The following CAB39L variants were observed in gnomAD, a reference collection of about 807,000 sequenced individuals.
The protein encoded by CAB39L is calcium binding protein 39 like.
CAB39L carries 23 observed loss-of-function variants against 39.1 expected under a neutral mutation model. That is an observed-to-expected ratio of 0.59 (90% CI 0.42 to 0.83). CAB39L has a LOEUF of 0.83. Ranked by LOEUF, CAB39L falls within the 40% of genes least tolerant of loss-of-function variation. The probability of loss-of-function intolerance (pLI) is 0.00; values close to 1 mark genes in which losing one functional copy is unlikely to be tolerated. For missense variants in CAB39L, 366 were observed against 391.9 expected (o/e 0.93, Z 0.56); for synonymous variants, 126 against 137.2 (o/e 0.92, Z 0.57).
chr13:49,364,714 T>C (rs1374446813), intron 5 of CAB39L, among the ~76,000 whole-genome samples: 1 of 151,772 alleles, frequency 6.6e-6, no homozygotes, highest in Non-Finnish European at 1.5e-5. Context: ...TAAAATTAAA[T>C]ACCTAGAAAT....
intron 5 of CAB39L, among the ~76,000 whole-genome samples, chr13:49,366,025 A>G (rs1955761368): frequency 6.6e-6 from 1 of 152,234 alleles, no homozygotes; most frequent in Non-Finnish European, 1.5e-5. Context: ...ACTGGAGGCC[A>G]TTATGTTAAG....
rs1348213915 is a variant in CAB39L at position 49,325,721 on chromosome 13, G to A, written c.834+6226C>T. Among the ~76,000 whole-genome samples the A allele has an allele frequency of 5.3e-5, 8 of 152,122 alleles. No homozygotes were observed. In the East Asian group the frequency reaches 1.5e-3, roughly 29 times the overall value. On this transcript the variant is annotated intron_variant, in intron 10 of 10. Coordinates refer to ENST00000409308, the MANE Select transcript of CAB39L (RefSeq NM_001079670.3). The stretch of plus-strand genomic sequence containing the variant: ...GGAGAATCACTTGAACCTGGGAGGT[G>A]GAGGGTGCGGTGAGCCGAGATCATG...
chr13:49,324,587 G>A (rs1954445578), intron 10 of CAB39L, among the ~76,000 whole-genome samples: 1 of 152,178 alleles, frequency 6.6e-6, no homozygotes, highest in Non-Finnish European at 1.5e-5. Context: ...GGGCTATGTA[G>A]AAGAAAGAAC....
intron 8 of CAB39L, among the ~76,000 whole-genome samples, chr13:49,343,188 G>A (rs943291324): frequency 1.3e-5 from 2 of 152,116 alleles, no homozygotes; most frequent in East Asian, 1.9e-4. Context: ...TAAAAGTATC[G>A]TTGCTTTTGG....
intron 6 of CAB39L, among the ~76,000 whole-genome samples, chr13:49,358,559 A>C (rs1955544680): frequency 6.6e-6 from 1 of 152,190 alleles, no homozygotes; most frequent in African/African-American, 2.4e-5. Context: ...ACTGAAAAAT[A>C]GAGAAGAAAG....
At position 49,442,787 on chromosome 13, in the gene CAB39L, CAAAAAAAAAAAAAAAAAA is replaced by C. The variant is rs71078844; in HGVS notation, c.-246+1181_-246+1198del. On this transcript the variant is annotated intron_variant, in intron 1 of 10. Transcript: ENST00000409308. ...GCATAGGCGACAAGAGACTCCATCT[CAAAAAAAAAAAAAAAAAA>C]AAAAAAAAAAAAAACATCAATTATT... Among the ~76,000 whole-genome samples, 25 of 103,690 alleles carry C rather than the reference CAAAAAAAAAAAAAAAAAA, an allele frequency of 2.4e-4. 1 individual carries two copies. The highest frequency in any genetic ancestry group is 1.1e-3 in the African/African-American group (21 of 19,400). 68.0% of individuals were successfully genotyped at this position (103,690 alleles called of 152,430 possible). A position where few individuals can be genotyped will look rare whatever the true frequency, so the allele number is the denominator to read the frequency against.
intron 4 of CAB39L, among the ~76,000 whole-genome samples, chr13:49,381,026 C>G (rs1956243288): frequency 6.6e-6 from 1 of 152,240 alleles, no homozygotes; most frequent in African/African-American, 2.4e-5. Flanking sequence ...CTCCTGCGTT[C>G]AAGCGATTCT....
intron 3 of CAB39L, among the ~76,000 whole-genome samples, chr13:49,411,758 T>C (rs11619997): frequency 0.35 from 52,496 of 151,952 alleles, 9,438 homozygotes; most frequent in Middle Eastern, 0.41. Flanking sequence ...TTCACAGTTT[T>C]GAGCTAAGGA....
intron 6 of CAB39L, among the ~76,000 whole-genome samples, chr13:49,356,260 TA>T (rs1360695408): frequency 6.6e-6 from 1 of 152,148 alleles, no homozygotes; most frequent in Non-Finnish European, 1.5e-5. Flanking sequence ...TGAAACTGCT[TA>T]AAATTTTTTA....
At chr13:49,362,939 C>T (rs189170093) in intron 5 of CAB39L, among the ~76,000 whole-genome samples, 1 of 152,246 alleles carries the variant, frequency 6.6e-6, no homozygotes, top group Admixed American at 6.5e-5. Flanking sequence ...GAGAGAGTGG[C>T]ATGACATATT....
chr13:49,390,870 C>A (rs1394746016), intron 3 of CAB39L, among the ~76,000 whole-genome samples: 2 of 151,824 alleles, frequency 1.3e-5, no homozygotes, highest in Admixed American at 6.6e-5. Context: ...CAGGGTAGAG[C>A]TGGAGAGCCA....
In CAB39L at chr13:49,441,224, T is replaced by TATATATATATATATATATATATATATATA. The variant is rs1566144899; in HGVS notation, c.-246+2761_-246+2762insTATATATATATATATATATATATATATAT. ...GATTTTCTTATAATGATTTAGTGTA[T>TATATATATATATATATATATATATATATA]ATATATATATATATATATATTCCCT... On this transcript the variant is annotated intron_variant, in intron 1 of 10. Transcript: ENST00000409308. Among the ~76,000 whole-genome samples the TATATATATATATATATATATATATATATA allele has an allele frequency of 2.7e-4, 28 of 105,284 alleles. 1 individual carries two copies. Among genetic ancestry groups the TATATATATATATATATATATATATATATA allele is most frequent in the African/African-American group, 1.4e-3 (27 of 18,974 alleles). 69.1% of individuals were successfully genotyped at this position (105,284 alleles called of 152,430 possible). A position where few individuals can be genotyped will look rare whatever the true frequency, so the allele number is the denominator to read the frequency against.
chr13:49,337,091 A>T (rs80333392), intron 9 of CAB39L, among the ~76,000 whole-genome samples: 5,139 of 152,296 alleles, frequency 0.034, 284 homozygotes, highest in African/African-American at 0.12. Context: ...GTCATGGCTG[A>T]TGCAGGATCG....
chr13:49,310,905 A>T lies in CAB39L; in HGVS notation c.923T>A (p.Phe308Tyr), dbSNP rs1488981569. 1 of 1,613,994 alleles carries T rather than the reference A, an allele frequency of 6.2e-7. No individual in the cohort carries two copies. The highest frequency in any genetic ancestry group is 2.2e-5 in the East Asian group (1 of 44,884). ...CTCATCATCCGTCCTTTCTTTTTGG[A>T]AGCTGCTCAGAAACTCAATGAGTTT... ...QPKLIEFLSS[F>Y]QKERTDDEQF... is the part of the protein sequence containing the mutation. The change falls in exon 11 of 11, where the codon TTC becomes TAC. Residue 308 changes from phenylalanine to tyrosine, a missense_variant. Coordinates refer to ENST00000409308, the MANE Select transcript of CAB39L (RefSeq NM_001079670.3).
chr13:49,363,376 T>C (rs1006772577), intron 5 of CAB39L, among the ~76,000 whole-genome samples: 12 of 152,178 alleles, frequency 7.9e-5, no homozygotes, highest in Admixed American at 2.0e-4. Context: ...AGAGTTCTTA[T>C]TAGTTTTCTT....
At chr13:49,388,573 T>C (rs534810305) in intron 3 of CAB39L, among the ~76,000 whole-genome samples, 2 of 152,266 alleles carry the variant, frequency 1.3e-5, no homozygotes, top group South Asian at 2.1e-4. Context: ...TGTGAACAGA[T>C]AGTGTATATT....
intron 10 of CAB39L, among the ~76,000 whole-genome samples, chr13:49,317,196 AAG>A: frequency 6.6e-6 from 1 of 152,286 alleles, no homozygotes; most frequent in East Asian, 1.9e-4. Flanking sequence ...GATACAGAAA[AAG>A]AGTTTGATAA....
chr13:49,317,820 A>G (rs536875960), intron 10 of CAB39L, among the ~76,000 whole-genome samples: 18 of 152,290 alleles, frequency 1.2e-4, no homozygotes, highest in African/African-American at 4.1e-4. Flanking sequence ...CAAGAGAGTG[A>G]AAAAAACACA....
chr13:49,403,598 AT>A (rs1183808826), intron 3 of CAB39L, among the ~76,000 whole-genome samples: 1 of 152,170 alleles, frequency 6.6e-6, no homozygotes, highest in East Asian at 1.9e-4. Flanking sequence ...TCAAGAAGGT[AT>A]TAGAAAGATA....
Sources: allele counts gnomAD v4.1 joint callset (sites outside exome capture counted in the v4.1 genomes callset), GRCh38; gene constraint gnomAD v4.1.1; transcripts MANE v1.5; gene names NCBI Gene and HGNC (gene_info 2026-07-23, HGNC 2026-07-21).